The following DNAH11 variants were observed in gnomAD, a reference collection of about 807,000 sequenced individuals.
DNAH11 encodes the protein axonemal beta dynein heavy chain 11.
DNAH11 carries 442 observed loss-of-function variants against 526.0 expected under a neutral mutation model. The ratio of observed to expected loss-of-function variants is 0.84; its 90% CI spans 0.78 to 0.91. DNAH11 has a LOEUF of 0.91. Among genes scored for constraint, DNAH11 ranks in the 40% least tolerant of loss-of-function variants. DNAH11 has a pLI of 0.00. For synonymous variants in DNAH11, 2,461 were observed against 1,935.9 expected, an observed-to-expected ratio of 1.27 and a Z score of -7.12; for missense variants, 6,989 against 5,448.7, an observed-to-expected ratio of 1.28 and a Z score of -8.90.
chr7:21,604,913 C>A (rs554702463), intron 18 of DNAH11, among the ~76,000 whole-genome samples: 1 of 152,082 alleles, frequency 6.6e-6, no homozygotes, highest in Non-Finnish European at 1.5e-5. Flanking sequence ...TGAGAAGCCA[C>A]GAGAGGGAAG....
intron 2 of DNAH11, among the ~76,000 whole-genome samples, chr7:21,548,942 C>T (rs916615980): frequency 3.3e-5 from 5 of 150,970 alleles, no homozygotes; most frequent in African/African-American, 1.2e-4. Flanking sequence ...AGTGCAATGG[C>T]GCAATCTCAG....
At chr7:21,766,624 T>C (rs1034436874) in intron 55 of DNAH11, among the ~76,000 whole-genome samples, 2 of 152,108 alleles carry the variant, frequency 1.3e-5, no homozygotes, top group African/African-American at 4.8e-5. Flanking sequence ...AGCGGCCATA[T>C]GGTTAAAAAT....
At chr7:21,664,376 G>T (rs1427301344) in intron 30 of DNAH11, among the ~76,000 whole-genome samples, 1 of 151,604 alleles carries the variant, frequency 6.6e-6, no homozygotes, top group Non-Finnish European at 1.5e-5. Context: ...TCCCTAAATT[G>T]AGCAAATGTC....
At chr7:21,621,941 T>G (rs1786082598) in intron 25 of DNAH11, among the ~76,000 whole-genome samples, 1 of 152,104 alleles carries the variant, frequency 6.6e-6, no homozygotes, top group Non-Finnish European at 1.5e-5. Context: ...CCACTCCTAT[T>G]CAACATAGTG....
chr7:21,794,129 C>T (rs1414377268), intron 61 of DNAH11, among the ~76,000 whole-genome samples: 1 of 152,218 alleles, frequency 6.6e-6, no homozygotes, highest in Admixed American at 6.5e-5. Flanking sequence ...TCTTAAACTT[C>T]TGATAAATTT....
intron 6 of DNAH11, among the ~76,000 whole-genome samples, chr7:21,567,279 T>C (rs921254968): frequency 3.3e-5 from 5 of 152,146 alleles, no homozygotes; most frequent in African/African-American, 1.2e-4. Flanking sequence ...ATTACACATT[T>C]TATGTTTTCT....
chr7:21,601,918 T>C (rs969445873), intron 18 of DNAH11, among the ~76,000 whole-genome samples: 1 of 152,158 alleles, frequency 6.6e-6, no homozygotes, highest in South Asian at 2.1e-4. Flanking sequence ...TGAGTTGCTT[T>C]TTTGAGTTCA....
rs375491891 is a variant in DNAH11, at chr7:21,700,611, A to G, written c.6181-2099A>G. On this transcript the variant is annotated intron_variant, in intron 36 of 81. Transcript: ENST00000409508. ...TGACCCAGCAATCCCCTTTCTAGGT[A>G]TATACCCAAAGAATTATAAATCATT... 1.2e-4 allele frequency among the ~76,000 whole-genome samples: 18 copies of G among 152,276 alleles called. No homozygotes were observed. In the East Asian group the frequency reaches 3.1e-3, roughly 26 times the overall value.
intron 45 of DNAH11, among the ~76,000 whole-genome samples, chr7:21,733,003 G>T (rs1231470461): frequency 6.6e-6 from 1 of 152,172 alleles, no homozygotes; most frequent in African/African-American, 2.4e-5. Context: ...CTCACATCCT[G>T]CAGGAGCCAG....
chr7:21,729,846 C>G (rs1322929557), intron 45 of DNAH11, among the ~76,000 whole-genome samples: 1 of 152,198 alleles, frequency 6.6e-6, no homozygotes, highest in Non-Finnish European at 1.5e-5. Context: ...TTACCCTGTT[C>G]CAAAGTCACT....
intron 25 of DNAH11, among the ~76,000 whole-genome samples, chr7:21,630,806 T>A (rs1478915158): frequency 6.6e-6 from 1 of 152,210 alleles, no homozygotes; most frequent in Admixed American, 6.5e-5. Context: ...GTAGTATTAT[T>A]TGGGTCAGTT....
intron 8 of DNAH11, among the ~76,000 whole-genome samples, chr7:21,576,819 T>C (rs1784112830): frequency 2.6e-5 from 4 of 152,210 alleles, no homozygotes; most frequent in Admixed American, 2.0e-4. Flanking sequence ...ATAACAAAAG[T>C]GTGAAAACAC....
chr7:21,715,722 C>A (rs1172991928), intron 42 of DNAH11, among the ~76,000 whole-genome samples: 1 of 151,916 alleles, frequency 6.6e-6, no homozygotes, highest in Non-Finnish European at 1.5e-5. Context: ...CTTTTAATGT[C>A]TATTCCTAAA....
At chr7:21,649,615 G>T (rs372613181) in intron 28 of DNAH11, among the ~76,000 whole-genome samples, 30 of 151,496 alleles carry the variant, frequency 2.0e-4, no homozygotes, top group East Asian at 1.7e-3. Context: ...ATAGTAACTG[G>T]CATGCACCAT....
intron 25 of DNAH11, among the ~76,000 whole-genome samples, chr7:21,626,003 A>G (rs1786314013): frequency 6.6e-6 from 1 of 152,172 alleles, no homozygotes; most frequent in African/African-American, 2.4e-5. Flanking sequence ...TGCATATAAA[A>G]TGTAAAGATC....
intron 76 of DNAH11, among the ~76,000 whole-genome samples, chr7:21,891,739 C>T (rs998201433): frequency 6.6e-6 from 1 of 152,122 alleles, no homozygotes; most frequent in African/African-American, 2.4e-5. Flanking sequence ...GTGTATTGAG[C>T]TCTCAGGGTC....
chr7:21,600,147 C>CT, intron 15 of DNAH11, 28 bp downstream of exon 15: 1 of 1,489,938 alleles, frequency 6.7e-7, no homozygotes, highest in Non-Finnish European at 9.0e-7. Context: ...GGGTATTTAG[C>CT]TTTTATATTA....
chr7:21,896,051 C>G (rs538639880), intron 79 of DNAH11, among the ~76,000 whole-genome samples: 1 of 152,310 alleles, frequency 6.6e-6, no homozygotes, highest in South Asian at 2.1e-4. Flanking sequence ...TTTTCTAACA[C>G]AATGTTAGAG....
chr7:21,673,911 T>A (rs986573714), intron 30 of DNAH11, among the ~76,000 whole-genome samples: 23 of 152,276 alleles, frequency 1.5e-4, no homozygotes, highest in Admixed American at 1.3e-3. Flanking sequence ...ATTCATGTTT[T>A]TTTTTTGAAT....
Sources: allele counts gnomAD v4.1 joint callset (sites outside exome capture counted in the v4.1 genomes callset), GRCh38; gene constraint gnomAD v4.1.1; transcripts MANE v1.5; gene names NCBI Gene and HGNC (gene_info 2026-07-23, HGNC 2026-07-21).